Variants in DHH observed in about 807,000 individuals in gnomAD.
DHH encodes desert hedgehog signaling molecule, also known as desert hedgehog protein.
DHH carries 16 observed loss-of-function variants against 27.6 expected under a neutral mutation model. That is an observed-to-expected ratio of 0.58 (90% confidence interval 0.39 to 0.88). The LOEUF (loss-of-function observed/expected upper bound fraction) is 0.88. DHH is among the 40% of genes least tolerant of loss of function. DHH has a pLI of 0.00. For synonymous variants in DHH, 289 were observed against 263.4 expected (o/e 1.10, Z -0.94); for missense variants, 436 against 563.1 (o/e 0.77, Z 2.28).
chr12:49,091,088 C>A lies in DHH; in HGVS notation c.565+40G>T, dbSNP rs376751388. On this transcript the variant is annotated intron_variant, in intron 2 of 2. Transcript: ENST00000649637. This position sits in a 1 kb window ranked among gnomAD's most constrained non-coding sequence, Gnocchi z 4.8. ...TGCAGACTCAGTTTCCCGGAGGGAG[C>A]CCCCTTTGGGCGGATTTTACCACCC... 6.2e-7 allele frequency: 1 copy of A among 1,613,966 alleles called. No homozygotes were observed. Among genetic ancestry groups the A allele is most frequent in the Non-Finnish European group, 8.5e-7 (1 of 1,179,864 alleles).
Position 49,090,497 on chromosome 12 carries a change from A to G in DHH, c.566-13T>C. Reference sequence around the variant, plus strand: ...GCCAGTGAGTTATCTGCAGGGAACAACCACAGGGAGGATTGAATCAAGACC... The same window carrying G: ...GCCAGTGAGTTATCTGCAGGGAACAGCCACAGGGAGGATTGAATCAAGACC... On this transcript the variant is annotated splice_polypyrimidine_tract_variant and intron_variant, in intron 2 of 2. Coordinates refer to ENST00000649637, the MANE Select transcript of DHH (RefSeq NM_021044.4). The surrounding 1 kb of genome is among the most constrained non-coding windows in gnomAD (Gnocchi z 5.2). 6.3e-7 allele frequency: 1 copy of G among 1,598,208 alleles called. No individual in the cohort carries two copies. The highest frequency in any genetic ancestry group is 8.5e-7 in the Non-Finnish European group (1 of 1,179,652).
Position 49,090,035 on chromosome 12 carries a change from C to G in DHH, c.1015G>C (p.Val339Leu). 1 of 1,551,038 alleles carries G rather than the reference C, an allele frequency of 6.4e-7. No homozygotes were observed. The highest frequency in any genetic ancestry group is 8.7e-7 in the Non-Finnish European group (1 of 1,149,086). The stretch of plus-strand genomic sequence containing the variant: ...AGAACCGCGTAGCAAGAGGCCAGGA[C>G]ATCGTTCACCAGCAGCGTCCCGTGC... ...TAHGTLLVND[V>L]LASCYAVLES... The change falls in exon 3 of 3, where the codon GTC (valine) becomes CTC (leucine). Residue 339 changes from valine (V) to leucine (L), a missense_variant. By Grantham distance (32) the Val-to-Leu change is conservative. Transcript: ENST00000649637. The surrounding 1 kb of genome is among the most constrained non-coding windows in gnomAD (Gnocchi z 5.2).
intron 1 of DHH, among the ~76,000 whole-genome samples, chr12:49,093,620 A>G (rs898377906): frequency 9.2e-5 from 14 of 151,936 alleles, no homozygotes; most frequent in African/African-American, 3.1e-4. Flanking sequence ...TATCGTTTAG[A>G]CCCTAGGATA....
At position 49,090,433 on chromosome 12, in the gene DHH, A is replaced by T; in HGVS notation, c.617T>A (p.Val206Glu). 1.2e-6 allele frequency: 2 copies of T among 1,609,002 alleles called. No homozygotes were observed. The highest frequency in any genetic ancestry group is 1.7e-6 in the Non-Finnish European group (2 of 1,179,616). ...AGGCFPGNAT[V>E]RLWSGERKGL... ...TTTCCGCTCGCCGCTCCACAGGCGC[A>T]CAGTTGCATTTCCCGGAAAGCAGCC... The change falls in exon 3 of 3, where the codon GTG (valine) becomes GAG (glutamate). Residue 206 changes from valine (V) to glutamate (E), a missense_variant. By Grantham distance (121) the Val-to-Glu change is moderately radical. Transcript: ENST00000649637. This position sits in a 1 kb window ranked among gnomAD's most constrained non-coding sequence, Gnocchi z 5.2.
At position 49,090,849 on chromosome 12, in the gene DHH, A is replaced by C. The variant is rs1371166496; in HGVS notation, c.565+279T>G. Among the ~76,000 whole-genome samples the C allele has an allele frequency of 6.6e-6, 1 of 152,038 alleles. No homozygotes were observed. Among genetic ancestry groups the C allele is most frequent in the Non-Finnish European group, 1.5e-5 (1 of 67,994 alleles). On this transcript the variant is annotated intron_variant, in intron 2 of 2. Coordinates refer to ENST00000649637, the MANE Select transcript of DHH (RefSeq NM_021044.4). The surrounding 1 kb of genome is among the most constrained non-coding windows in gnomAD (Gnocchi z 5.2). The stretch of plus-strand genomic sequence containing the variant: ...CACGAGTAGCCGGGATTACAGGCAT[A>C]CACCACCACGCCCAACTAATTTTCG...
Position 49,089,715 on chromosome 12 carries a change from C to A in DHH, c.*144G>T. ...CACCTCCTCTCAGTACGAGGTTGCC[C>A]CTAAGCCAGGCATAGCCCCATTTTC... On this transcript the variant is annotated 3_prime_UTR_variant, in exon 3 of 3. Coordinates refer to ENST00000649637, the MANE Select transcript of DHH (RefSeq NM_021044.4). 8.4e-7 allele frequency: 1 copy of A among 1,195,426 alleles called. No individual in the cohort carries two copies. Among genetic ancestry groups the A allele is most frequent in the East Asian group, 2.8e-5 (1 of 36,132 alleles). The allele number at this position is 1,195,426 out of a possible 1,614,324, so 74.1% of individuals were successfully genotyped here.
Position 49,087,998 on chromosome 12 carries a change from C to T in DHH, c.*1861G>A, listed in dbSNP as rs996288454. ...GAAGGACACCAAAGGTAAACTTGAC[C>T]TGCTTCCAAATATTGCCTTTATCAA... On this transcript the variant is annotated 3_prime_UTR_variant, in exon 3 of 3. Transcript: ENST00000649637. 6.6e-6 allele frequency among the ~76,000 whole-genome samples: 1 copy of T among 152,132 alleles called. No homozygotes were observed. Among genetic ancestry groups the T allele is most frequent in the African/African-American group, 2.4e-5 (1 of 41,428 alleles).
Position 49,094,265 on chromosome 12 carries a change from G to A in DHH, c.248C>T (p.Pro83Leu), listed in dbSNP as rs1240937336. The A allele has an allele frequency of 6.2e-7, 1 of 1,613,592 alleles. No homozygotes were observed. The change falls in exon 1 of 3, where the codon CCC (proline) becomes CTC (leucine). Residue 83 changes from proline (P) to leucine (L), a missense_variant. Coordinates refer to ENST00000649637, the MANE Select transcript of DHH (RefSeq NM_021044.4). ...RFRDLVPNYN[P>L]DIIFKDEENS... Reference sequence around the variant, plus strand: ...CTCCTCATCCTTGAAGATGATGTCGGGGTTGTAGTTGGGCACGAGGTCCCG... The same window carrying A: ...CTCCTCATCCTTGAAGATGATGTCGAGGTTGTAGTTGGGCACGAGGTCCCG...
rs1228289156 is a variant in DHH at position 49,088,907 on chromosome 12, C to T, written c.*952G>A. 6.6e-6 allele frequency among the ~76,000 whole-genome samples: 1 copy of T among 152,210 alleles called. No homozygotes were observed. Among genetic ancestry groups the T allele is most frequent in the Non-Finnish European group, 1.5e-5 (1 of 68,042 alleles). Reference sequence around the variant, plus strand: ...AAATATTCCAGCCTCTTACTGTGCCCCCCTTCCTTTTTCAGGCCATGACTA... The same window carrying T: ...AAATATTCCAGCCTCTTACTGTGCCTCCCTTCCTTTTTCAGGCCATGACTA... On this transcript the variant is annotated 3_prime_UTR_variant, in exon 3 of 3. Coordinates refer to ENST00000649637, the MANE Select transcript of DHH (RefSeq NM_021044.4).
At chr12:49,092,018 G>A (rs1012326148) in intron 1 of DHH, among the ~76,000 whole-genome samples, 3 of 152,178 alleles carry the variant, frequency 2.0e-5, no homozygotes, top group African/African-American at 7.2e-5. Context: ...CCATTATCCG[G>A]GATGACTTAA....
chr12:49,094,024 G>T (rs1453313338), intron 1 of DHH, among the ~76,000 whole-genome samples, 186 bp downstream of exon 1: 1 of 152,132 alleles, frequency 6.6e-6, no homozygotes, highest in Non-Finnish European at 1.5e-5. Context: ...GACTATTCTA[G>T]TCGGGAGCCG....
rs1939369881 is a variant in DHH at position 49,094,586 on chromosome 12, AG to A, written c.-75del. The A allele has an allele frequency of 6.7e-7, 1 of 1,499,552 alleles. No homozygotes were observed. Among genetic ancestry groups the A allele is most frequent in the African/African-American group, 1.4e-5 (1 of 71,866 alleles). 92.9% of individuals were successfully genotyped at this position (1,499,552 alleles called of 1,614,324 possible). A position where few individuals can be genotyped will look rare whatever the true frequency, so the allele number is the denominator to read the frequency against. On this transcript the variant is annotated 5_prime_UTR_variant, in exon 1 of 3. Coordinates refer to ENST00000649637, the MANE Select transcript of DHH (RefSeq NM_021044.4). ...TCTCCTGTCAGTTAGGCATCTCCAC[AG>A]GCACCAGAGAGGGCAGCAGGCACAG...
rs1398594145 is a variant in DHH, at chr12:49,088,031, C to T, written c.*1828G>A. Among the ~76,000 whole-genome samples the T allele has an allele frequency of 6.6e-6, 1 of 152,142 alleles. No homozygotes were observed. Among genetic ancestry groups the T allele is most frequent in the African/African-American group, 2.4e-5 (1 of 41,438 alleles). On this transcript the variant is annotated 3_prime_UTR_variant, in exon 3 of 3. Transcript: ENST00000649637. ...AAATATTGCCTTTATCAAGCACTAC[C>T]TGGAACCCTATTATGCTTTCACCTC...
In DHH at chr12:49,094,730, A is replaced by G. The variant is rs1014326644; in HGVS notation, c.-218T>C. On this transcript the variant is annotated 5_prime_UTR_variant, in exon 1 of 3. It removes an upstream start codon present in the reference 5' UTR. Transcript: ENST00000649637. ...TAGGACCTGCTACTGACAAACCATC[A>G]TAGCAGGGAAGGGGGGTCGTGGGTG... The G allele has an allele frequency of 1.6e-6, 1 of 626,464 alleles. No individual in the cohort carries two copies. The highest frequency in any genetic ancestry group is 1.8e-5 in the African/African-American group (1 of 54,638). 38.8% of individuals were successfully genotyped at this position (626,464 alleles called of 1,614,324 possible). A position where few individuals can be genotyped will look rare whatever the true frequency, so the allele number is the denominator to read the frequency against.
chr12:49,091,201 G>T lies in DHH; in HGVS notation c.492C>A (p.Arg164=). The change falls in exon 2 of 3, where the codon CGC becomes CGA. Residue 164 remains arginine (R), a synonymous_variant. Coordinates refer to ENST00000649637, the MANE Select transcript of DHH (RefSeq NM_021044.4). This position sits in a 1 kb window ranked among gnomAD's most constrained non-coding sequence, Gnocchi z 4.8. ...AGTCGAAGCCGGCTTCCACTGCGAG[G>T]CGCGCCAGCAACCCATACTTGTTGC... The part of the protein sequence containing the change: ...RDRNKYGLLA[R]LAVEAGFDWV... 1 of 1,614,242 alleles carries T rather than the reference G, an allele frequency of 6.2e-7. No homozygotes were observed. The highest frequency in any genetic ancestry group is 8.5e-7 in the Non-Finnish European group (1 of 1,180,048).
chr12:49,090,515 TCAAGAC>T lies in DHH; in HGVS notation c.566-37_566-32del, dbSNP rs1324890401. 6.3e-7 allele frequency: 1 copy of T among 1,594,886 alleles called. No individual in the cohort carries two copies. The highest frequency in any genetic ancestry group is 8.5e-7 in the Non-Finnish European group (1 of 1,178,854). On this transcript the variant is annotated intron_variant, in intron 2 of 2. Coordinates refer to ENST00000649637, the MANE Select transcript of DHH (RefSeq NM_021044.4). This position sits in a 1 kb window ranked among gnomAD's most constrained non-coding sequence, Gnocchi z 5.2. ...GGGAACAACCACAGGGAGGATTGAA[TCAAGAC>T]CAGCGGTTCCAGAACGATTCTCAAG...
chr12:49,090,214 G>C lies in DHH; in HGVS notation c.836C>G (p.Pro279Arg). ...TGCAAAGTCGCCTGGCGCGGGCGCC[G>C]GCCCTCGAGCGGCAAACACCAGGTG... Reference protein sequence around the residue: ...PWHLVFAARGPAPAPGDFAPV... With the variant: ...PWHLVFAARGRAPAPGDFAPV... Residue 279 changes from proline to arginine, a missense_variant, in exon 3 of 3, where the codon CCG becomes CGG. Pro to Arg is a moderately radical substitution (Grantham distance 103). Transcript: ENST00000649637. The surrounding 1 kb of genome is among the most constrained non-coding windows in gnomAD (Gnocchi z 5.2). 1.3e-6 allele frequency: 2 copies of C among 1,553,622 alleles called. No individual in the cohort carries two copies. The highest frequency in any genetic ancestry group is 1.7e-6 in the Non-Finnish European group (2 of 1,149,104).
At chr12:49,094,061 G>A (rs555401657) in intron 1 of DHH, 149 bp downstream of exon 1, 24 of 890,454 alleles carry the variant, frequency 2.7e-5, no homozygotes, top group South Asian at 2.7e-4. Flanking sequence ...CAGACTGCAA[G>A]GATTTTTCCC....
chr12:49,094,025 T>C (rs2120838550), intron 1 of DHH, among the ~76,000 whole-genome samples, 185 bp downstream of exon 1: 1 of 152,224 alleles, frequency 6.6e-6, no homozygotes, highest in South Asian at 2.1e-4. Flanking sequence ...ACTATTCTAG[T>C]CGGGAGCCGT....
Sources: gnomAD v4.1 joint callset for allele counts (sites outside exome capture counted in the v4.1 genomes callset) on GRCh38, gnomAD v4.1.1 for gene constraint, Gnocchi (gnomAD v3.1) non-coding constraint, MANE v1.5 for transcripts, NCBI Gene and HGNC (gene_info 2026-07-23, HGNC 2026-07-21) for gene names.